The following NCAM1 variants were observed in gnomAD, a reference collection of about 807,000 sequenced individuals.
The protein encoded by NCAM1 is antigen recognized by monoclonal antibody 5.1H11.
Under a neutral mutation model 109.8 loss-of-function variants are expected in NCAM1, and 14 were observed. That is an observed-to-expected ratio of 0.13 (90% confidence interval 0.08 to 0.20). The LOEUF is 0.20. Ranked by LOEUF, NCAM1 falls within the 10% of genes least tolerant of loss-of-function variation. The pLI, the probability that NCAM1 is intolerant of heterozygous loss-of-function variation, is 1.00. For synonymous variants in NCAM1, 418 were observed against 442.9 expected (o/e 0.94, Z 0.70); for missense variants, 774 against 1,109.9 (o/e 0.70, Z 4.30).
intron 1 of NCAM1, among the ~76,000 whole-genome samples, chr11:113,023,692 A>G (rs189815186): frequency 2.0e-5 from 3 of 152,332 alleles, no homozygotes; most frequent in African/African-American, 4.8e-5. Context: ...ATATATACAT[A>G]TGTATTCAAG....
rs372147620 is a variant in NCAM1 at position 113,042,688 on chromosome 11, C to T, written c.52+81024C>T. 1.5e-4 allele frequency among the ~76,000 whole-genome samples: 23 copies of T among 152,138 alleles called. 3 individuals are homozygous for T. The East Asian group carries it at 1.5e-3, about 10-fold the overall frequency. ...CCTCCTGTTAGGGCCATGGTCATTCCCTTGGTCTTTTCCTCACCTGTCCCA... is the reference window on the plus strand; with the variant it reads ...CCTCCTGTTAGGGCCATGGTCATTCTCTTGGTCTTTTCCTCACCTGTCCCA... On this transcript the variant is annotated intron_variant, in intron 1 of 19. Coordinates refer to ENST00000316851, the MANE Select transcript of NCAM1 (RefSeq NM_181351.5).
intron 14 of NCAM1, chr11:113,243,664 A>G (rs1555119560): frequency 2.0e-6 from 1 of 509,842 alleles, no homozygotes; most frequent in Non-Finnish European, 3.9e-6. Context: ...CCATATGAGT[A>G]TGCGTGCATG....
chr11:113,264,234 A>G (rs1242501681), intron 17 of NCAM1: 2 of 984,536 alleles, frequency 2.0e-6, no homozygotes, highest in East Asian at 1.1e-4. Context: ...TGGTTTCTTT[A>G]TGTATTTTTT....
chr11:113,125,837 T>C (rs935345592), intron 1 of NCAM1, among the ~76,000 whole-genome samples: 54 of 152,226 alleles, frequency 3.5e-4, no homozygotes, highest in African/African-American at 1.3e-3. Flanking sequence ...TTTCCTACCC[T>C]TAACAACAAT....
At position 113,275,965 on chromosome 11, in the gene NCAM1, A is replaced by T. The variant is rs1946393522; in HGVS notation, c.*578A>T. ...GTGTCACCCTTTCTAGCTGAATTCAATTCCCACGTAGACTCTTATTTTATA... is the reference window on the plus strand; with the variant it reads ...GTGTCACCCTTTCTAGCTGAATTCATTTCCCACGTAGACTCTTATTTTATA... On this transcript the variant is annotated 3_prime_UTR_variant, in exon 20 of 20. Transcript: ENST00000316851. 1.3e-5 allele frequency: 2 copies of T among 152,646 alleles called. No homozygotes were observed. Among genetic ancestry groups the T allele is most frequent in the African/African-American group, 4.8e-5 (2 of 41,452 alleles). The allele number at this position is 152,646 out of a possible 1,614,324, so 9.5% of individuals were successfully genotyped here. A position where few individuals can be genotyped will look rare whatever the true frequency, so the allele number is the denominator to read the frequency against.
At chr11:113,166,304 A>G (rs1409624004) in intron 1 of NCAM1, among the ~76,000 whole-genome samples, 2 of 152,194 alleles carry the variant, frequency 1.3e-5, no homozygotes, top group Non-Finnish European at 2.9e-5. Context: ...TAGGGTCAAG[A>G]TCTGTGAAAG....
chr11:113,129,812 C>T (rs1416628568), intron 1 of NCAM1, among the ~76,000 whole-genome samples: 3 of 152,184 alleles, frequency 2.0e-5, no homozygotes, highest in Non-Finnish European at 4.4e-5. Flanking sequence ...GGTGAACAGC[C>T]TCAATTCATC....
intron 1 of NCAM1, among the ~76,000 whole-genome samples, chr11:113,125,472 C>T (rs909378321): frequency 1.3e-5 from 2 of 152,046 alleles, no homozygotes; most frequent in East Asian, 3.9e-4. Flanking sequence ...CATTTATCGC[C>T]CTTACGTTTT....
chr11:113,161,844 A>G (rs531330860), intron 1 of NCAM1, among the ~76,000 whole-genome samples: 3 of 152,304 alleles, frequency 2.0e-5, no homozygotes, highest in South Asian at 4.1e-4. Context: ...GTTGAGCTCC[A>G]TAGAGTAGGC....
chr11:113,151,118 G>A (rs1555102396), intron 1 of NCAM1, among the ~76,000 whole-genome samples: 3 of 152,198 alleles, frequency 2.0e-5, no homozygotes, highest in Admixed American at 1.3e-4. Flanking sequence ...CATGAGCCAC[G>A]TTGACATTCT....
At position 113,276,007 on chromosome 11, in the gene NCAM1, G is replaced by C. The variant is rs17174410; in HGVS notation, c.*620G>C. On this transcript the variant is annotated 3_prime_UTR_variant, in exon 20 of 20. Transcript: ENST00000316851. ...TATTTTATAGGACGAATGCCAAATT[G>C]CAGCTTCTGGGGGTAGATCTCAATT... 618 of 152,718 alleles carry C rather than the reference G, an allele frequency of 4.0e-3. 2 individuals carry two copies. The highest frequency in any genetic ancestry group is 0.017 in the Middle Eastern group (5 of 294). The allele number at this position is 152,718 out of a possible 1,614,324, so 9.5% of individuals were successfully genotyped here.
At chr11:113,129,970 C>T (rs377185704) in intron 1 of NCAM1, among the ~76,000 whole-genome samples, 9 of 152,292 alleles carry the variant, frequency 5.9e-5, no homozygotes, top group East Asian at 1.9e-4. Context: ...GTTATTATCA[C>T]GTTTTTTAAC....
chr11:113,126,649 C>T (rs1941191056), intron 1 of NCAM1, among the ~76,000 whole-genome samples: 1 of 152,188 alleles, frequency 6.6e-6, no homozygotes, highest in Non-Finnish European at 1.5e-5. Flanking sequence ...TCTCTTGTCT[C>T]CCTGACATTC....
At chr11:113,084,038 G>A (rs1555087813) in intron 1 of NCAM1, among the ~76,000 whole-genome samples, 1 of 152,204 alleles carries the variant, frequency 6.6e-6, no homozygotes, top group East Asian at 1.9e-4. Flanking sequence ...TAGGAAACAC[G>A]AAAGTAGTTG....
chr11:113,117,038 A>G (rs1405950819), intron 1 of NCAM1, among the ~76,000 whole-genome samples: 1 of 151,986 alleles, frequency 6.6e-6, no homozygotes, highest in East Asian at 1.9e-4. Context: ...GAGTAGACAT[A>G]AATTACATGT....
intron 1 of NCAM1, among the ~76,000 whole-genome samples, chr11:113,070,892 T>C (rs1365912333): frequency 1.3e-5 from 2 of 152,154 alleles, no homozygotes; most frequent in Non-Finnish European, 2.9e-5. Context: ...AGAAATATTT[T>C]TGGGGTGTGC....
chr11:113,200,368 C>T (rs1448204242), intron 1 of NCAM1, among the ~76,000 whole-genome samples: 2 of 152,166 alleles, frequency 1.3e-5, no homozygotes, highest in African/African-American at 2.4e-5. Context: ...TTGTAAGGCT[C>T]CATGCTCCCC....
At chr11:112,989,614 T>G (rs1005621894) in intron 1 of NCAM1, among the ~76,000 whole-genome samples, 8 of 152,184 alleles carry the variant, frequency 5.3e-5, no homozygotes, top group Non-Finnish European at 1.2e-4. Context: ...AGTTATTAGA[T>G]CTCCATTTCT....
intron 8 of NCAM1, among the ~76,000 whole-genome samples, chr11:113,216,541 G>A (rs1419479461): frequency 6.6e-6 from 1 of 152,204 alleles, no homozygotes; most frequent in East Asian, 1.9e-4. Context: ...AGCAGAGACT[G>A]TCTCAAGCCT....
Sources: allele counts gnomAD v4.1 joint callset (sites outside exome capture counted in the v4.1 genomes callset), GRCh38; gene constraint gnomAD v4.1.1; transcripts MANE v1.5; gene names NCBI Gene and HGNC (gene_info 2026-07-23, HGNC 2026-07-21).